PCSK9: variants seen among roughly 807,000 people sequenced by gnomAD.
The protein encoded by PCSK9 is proprotein convertase subtilisin/kexin type 9, also known as convertase subtilisin/kexin type 9 preproprotein.
A neutral mutation model predicts 62.1 loss-of-function variants in PCSK9; 57 were observed. That is an observed-to-expected ratio of 0.92 (90% confidence interval 0.74 to 1.14). PCSK9 has a LOEUF of 1.14. Ranked by LOEUF, PCSK9 falls within the 50% of genes most tolerant of loss-of-function variation. PCSK9 has a pLI of 0.00. For synonymous variants in PCSK9, 387 were observed against 409.4 expected (o/e 0.95, Z 0.66); for missense variants, 870 against 959.8 (o/e 0.91, Z 1.24).
intron 6 of PCSK9, among the ~76,000 whole-genome samples, chr1:55,056,428 A>G (rs1186485485): frequency 6.6e-6 from 1 of 152,110 alleles, no homozygotes; most frequent in Non-Finnish European, 1.5e-5. Context: ...TGGCCCCGCC[A>G]TGCGCCCACG....
chr1:55,062,771 G>A (rs2100341332), intron 11 of PCSK9, among the ~76,000 whole-genome samples: 1 of 152,336 alleles, frequency 6.6e-6, no homozygotes, highest in East Asian at 1.9e-4. Context: ...GTCACAGTCA[G>A]CAGTGAGCTG....
chr1:55,051,049 C>A, intron 3 of PCSK9: 1 of 425,556 alleles, frequency 2.3e-6, no homozygotes, highest in Non-Finnish European at 4.7e-6. Context: ...CCACCAGAAG[C>A]CGGAAGACGT....
In PCSK9 at chr1:55,063,668, G is replaced by T; in HGVS notation, c.*84G>T. The stretch of plus-strand genomic sequence containing the variant: ...ATGGTTCCGACTTGTCCCTCTCTCA[G>T]CCCTCCATGGCCTGGCACGAGGGGA... On this transcript the variant is annotated 3_prime_UTR_variant, in exon 12 of 12. Transcript: ENST00000302118. 1 of 1,424,718 alleles carries T rather than the reference G, an allele frequency of 7.0e-7. No individual in the cohort carries two copies. 88.3% of individuals were successfully genotyped at this position (1,424,718 alleles called of 1,614,324 possible).
At chr1:55,061,578 G>T in intron 11 of PCSK9, 22 bp downstream of exon 11, 1 of 1,570,670 alleles carries the variant, frequency 6.4e-7, no homozygotes, top group Non-Finnish European at 8.6e-7. Context: ...CGTGAGGCCG[G>T]GTGGGTGGGG....
intron 4 of PCSK9, 61 bp downstream of exon 4, chr1:55,052,472 T>C: frequency 6.2e-7 from 1 of 1,612,204 alleles, no homozygotes; most frequent in Non-Finnish European, 8.5e-7. Flanking sequence ...TGGAGGTGGG[T>C]GGGGACTGCC....
chr1:55,050,955 A>C (rs1644668410), intron 3 of PCSK9: 8 of 359,612 alleles, frequency 2.2e-5, no homozygotes, highest in South Asian at 1.6e-4. Context: ...AGGCAGAGGG[A>C]GATTTGACAC....
rs150508731 is a variant in PCSK9 at position 55,049,279 on chromosome 1, G to A, written c.523+2633G>A. ...GAGGGAGTGTGGCCTGTGCAGAAGG[G>A]ACCGAGGCTGGTGAGACCAGGAGGG... is the stretch of plus-strand genomic sequence containing the variant. On this transcript the variant is annotated intron_variant, in intron 3 of 11. Transcript: ENST00000302118. Among the ~76,000 whole-genome samples, 896 of 152,338 alleles carry A rather than the reference G, an allele frequency of 5.9e-3. 8 individuals are homozygous for A. The highest frequency in any genetic ancestry group is 5.6e-3 in the Non-Finnish European group (380 of 68,022).
intron 2 of PCSK9, 92 bp from the exon 3 acceptor site, chr1:55,046,431 A>G (rs1050301983): frequency 1.3e-6 from 2 of 1,585,894 alleles, no homozygotes; most frequent in African/African-American, 2.7e-5. Context: ...GGATGTGGGG[A>G]CAGGTTTGAT....
intron 11 of PCSK9, among the ~76,000 whole-genome samples, chr1:55,062,191 G>C (rs1191851588): frequency 6.6e-6 from 1 of 152,242 alleles, no homozygotes; most frequent in Non-Finnish European, 1.5e-5. Context: ...GTGACAGCCG[G>C]GCCTTCTAGA....
intron 3 of PCSK9, among the ~76,000 whole-genome samples, chr1:55,050,106 C>A (rs1001127561): frequency 6.6e-6 from 1 of 152,250 alleles, no homozygotes; most frequent in African/African-American, 2.4e-5. Flanking sequence ...TCTAGATAAG[C>A]CTGTATTCCC....
chr1:55,052,089 C>A, intron 3 of PCSK9, 189 bp from the exon 4 acceptor site: 1 of 841,172 alleles, frequency 1.2e-6, no homozygotes. Context: ...CTAGGCCTCC[C>A]TTTCCTTGTC....
intron 6 of PCSK9, 63 bp downstream of exon 6, chr1:55,056,252 G>A: frequency 3.3e-6 from 3 of 921,384 alleles, no homozygotes; most frequent in East Asian, 3.5e-5. Flanking sequence ...GGCGGAGGGA[G>A]GGCGGGCGGG....
chr1:55,054,165 C>T (rs945792571), intron 5 of PCSK9, among the ~76,000 whole-genome samples: 2 of 152,110 alleles, frequency 1.3e-5, no homozygotes, highest in African/African-American at 4.8e-5. Flanking sequence ...GGGCAGATCA[C>T]CTGAGGTCAG....
At chr1:55,057,079 C>T (rs921700969) in intron 6 of PCSK9, among the ~76,000 whole-genome samples, 2 of 152,228 alleles carry the variant, frequency 1.3e-5, no homozygotes, top group African/African-American at 4.8e-5. Context: ...CTATCTCCCC[C>T]ACTAGGATGT....
intron 5 of PCSK9, among the ~76,000 whole-genome samples, chr1:55,055,009 GAAA>G (rs11302533): frequency 3.5e-5 from 5 of 141,488 alleles, no homozygotes; most frequent in South Asian, 2.2e-4. Context: ...CGTCTGGAAA[GAAA>G]AAAAAAAAAA....
rs759818065 is a variant in PCSK9 at position 55,063,432 on chromosome 1, C to T, written c.1927C>T (p.His643Tyr). Reference protein sequence around the residue: ...TGCSALPGTSHVLGAYAVDNT... With the variant: ...TGCSALPGTSYVLGAYAVDNT... ...CTGCAGTGCCCTCCCTGGGACCTCC[C>T]ACGTCCTGGGGGCCTACGCCGTAGA... The change falls in exon 12 of 12, where the codon CAC becomes TAC. Residue 643 changes from histidine to tyrosine, a missense_variant. Transcript: ENST00000302118. The T allele has an allele frequency of 1.2e-6, 2 of 1,614,016 alleles. No individual in the cohort carries two copies. Among genetic ancestry groups the T allele is most frequent in the African/African-American group, 1.3e-5 (1 of 75,066 alleles).
At chr1:55,046,725 G>A in intron 3 of PCSK9, 79 bp downstream of exon 3, 1 of 1,566,122 alleles carries the variant, frequency 6.4e-7, no homozygotes, top group Non-Finnish European at 8.7e-7. Context: ...CCTCCCTGCT[G>A]GTGGTTTCCA....
chr1:55,056,250 G>T, intron 6 of PCSK9, 61 bp downstream of exon 6: 1 of 940,354 alleles, frequency 1.1e-6, no homozygotes, highest in South Asian at 2.9e-5. Context: ...AGGGCGGAGG[G>T]AGGGCGGGCG....
At chr1:55,051,897 T>C (rs1644676516) in intron 3 of PCSK9, 1 of 324,126 alleles carries the variant, frequency 3.1e-6, no homozygotes, top group Non-Finnish European at 6.0e-6. Flanking sequence ...TTGTTGTCTT[T>C]CTTGCAGACT....
Sources: allele counts gnomAD v4.1 joint callset (sites outside exome capture counted in the v4.1 genomes callset), GRCh38; gene constraint gnomAD v4.1.1; transcripts MANE v1.5; gene names NCBI Gene and HGNC (gene_info 2026-07-23, HGNC 2026-07-21).